The following FBXL13 variants were observed in gnomAD, a reference collection of about 807,000 sequenced individuals.
The protein encoded by FBXL13 is F-box and leucine rich repeat protein 13.
In FBXL13, 67 loss-of-function variants were observed where a neutral mutation model predicts 83.6. The ratio of observed to expected loss-of-function variants is 0.80; its 90% CI spans 0.66 to 0.98. The LOEUF (loss-of-function observed/expected upper bound fraction) is 0.98. FBXL13 is among the 50% of genes least tolerant of loss of function. The pLI, the probability that FBXL13 is intolerant of heterozygous loss-of-function variation, is 0.00. For missense variants in FBXL13, 822 were observed against 866.5 expected, an observed-to-expected ratio of 0.95 and a Z score of 0.64; for synonymous variants, 272 against 299.5, an observed-to-expected ratio of 0.91 and a Z score of 0.95.
In FBXL13 at chr7:102,939,400, T is replaced by A. The variant is rs560105381; in HGVS notation, c.725-7467A>T. 5.7e-6 allele frequency: 9 copies of A among 1,583,494 alleles called. No individual in the cohort carries two copies. The Admixed American group carries it at 1.6e-4, about 28-fold the overall frequency. On this transcript the variant is annotated intron_variant, in intron 8 of 19. Transcript: ENST00000313221. ...CGAGGAAATGGGGGCAAAAAGAGCA[T>A]AATAACGTAAATATTATTAAATTTT...
chr7:102,826,944 A>T (rs1209361221), intron 18 of FBXL13: 1 of 284,606 alleles, frequency 3.5e-6, no homozygotes, highest in East Asian at 7.8e-5. Context: ...TAAGAGCTCT[A>T]TCGTATTATT....
At chr7:103,018,108 A>C (rs895766306) in intron 6 of FBXL13, among the ~76,000 whole-genome samples, 2 of 152,258 alleles carry the variant, frequency 1.3e-5, no homozygotes, top group Non-Finnish European at 2.9e-5. Context: ...GAATCCCATC[A>C]GAATAACAGC....
At chr7:102,912,890 T>C (rs533610503) in intron 11 of FBXL13, 196 bp downstream of exon 12, 2 of 606,814 alleles carry the variant, frequency 3.3e-6, no homozygotes, top group Non-Finnish European at 5.5e-6. Flanking sequence ...TGTGTGACAC[T>C]CCAGTGGAAG....
chr7:102,881,704 G>A (rs1033575203), intron 14 of FBXL13, among the ~76,000 whole-genome samples: 9 of 152,096 alleles, frequency 5.9e-5, no homozygotes, highest in Non-Finnish European at 1.5e-5. Context: ...AACTAGAGTG[G>A]TTCTAGCTCA....
At chr7:102,968,622 AG>A (rs1305786409) in intron 6 of FBXL13, among the ~76,000 whole-genome samples, 1 of 152,276 alleles carries the variant, frequency 6.6e-6, no homozygotes, top group African/African-American at 2.4e-5. Flanking sequence ...CCAAAAAATC[AG>A]GAAATCCTGC....
At chr7:102,851,072 G>T (rs1192942673) in intron 17 of FBXL13, among the ~76,000 whole-genome samples, 1 of 152,202 alleles carries the variant, frequency 6.6e-6, no homozygotes, top group East Asian at 1.9e-4. Context: ...AGTTTGCTGA[G>T]AAGGTATAAG....
chr7:103,023,053 G>C (rs905356713), intron 6 of FBXL13, among the ~76,000 whole-genome samples: 36 of 152,134 alleles, frequency 2.4e-4, no homozygotes, highest in African/African-American at 8.0e-4. Context: ...GAGGCGGGTG[G>C]ATCACGAGGT....
rs148600541 is a variant in FBXL13 at position 102,955,152 on chromosome 7, C to A, written c.724+8381G>T. ...ACCACATAATTGGAAGTAAAGCACT[C>A]CTCAGCAAATGTAAAACAACAGAAA... On this transcript the variant is annotated intron_variant, in intron 8 of 19. Transcript: ENST00000313221. Among the ~76,000 whole-genome samples the A allele has an allele frequency of 3.7e-3, 565 of 152,262 alleles. 5 individuals carry two copies. The highest frequency in any genetic ancestry group is 0.013 in the African/African-American group (558 of 41,540).
intron 16 of FBXL13, among the ~76,000 whole-genome samples, chr7:102,870,229 T>C (rs73408205): frequency 0.011 from 1,649 of 152,338 alleles, 20 homozygotes; most frequent in African/African-American, 0.037. Flanking sequence ...TAGGGAACTA[T>C]GCTGTAATGT....
At chr7:102,941,513 C>A (rs955893889) in intron 8 of FBXL13, among the ~76,000 whole-genome samples, 1 of 152,134 alleles carries the variant, frequency 6.6e-6, no homozygotes, top group Non-Finnish European at 1.5e-5. Flanking sequence ...TCCCGCACAG[C>A]CAGCTCTGCA....
At chr7:102,967,925 G>T in intron 7 of FBXL13, 97 bp downstream of exon 8, 2 of 823,856 alleles carry the variant, frequency 2.4e-6, no homozygotes, top group Non-Finnish European at 3.9e-6. Flanking sequence ...TGACCACAGA[G>T]CATGGAAGAA....
At chr7:102,913,330 TCAA>T in intron 10 of FBXL13, 115 bp from the exon 12 acceptor site, 1 of 1,307,864 alleles carries the variant, frequency 7.6e-7, no homozygotes, top group Non-Finnish European at 1.1e-6. Flanking sequence ...TTGCAGATGT[TCAA>T]CATTTAACTT....
intron 11 of FBXL13, 137 bp downstream of exon 12, chr7:102,912,949 G>A (rs1815041340): frequency 1.7e-5 from 20 of 1,149,372 alleles, no homozygotes; most frequent in Non-Finnish European, 2.4e-6. Flanking sequence ...TCAGCAGCTG[G>A]GGCCATGTAA....
chr7:102,954,120 G>A lies in FBXL13; in HGVS notation c.724+9413C>T, dbSNP rs183262059. Among the ~76,000 whole-genome samples, 568 of 152,256 alleles carry A rather than the reference G, an allele frequency of 3.7e-3. 5 individuals carry two copies. Among genetic ancestry groups the A allele is most frequent in the African/African-American group, 0.013 (561 of 41,568 alleles). On this transcript the variant is annotated intron_variant, in intron 8 of 19. Coordinates refer to ENST00000313221, the Ensembl canonical transcript of FBXL13. ...CCCACACAGGAAAAGCCAAAGCAGGGCAGAGCATCGCCTCACCCAGGAAGC... is the reference window on the plus strand; with the variant it reads ...CCCACACAGGAAAAGCCAAAGCAGGACAGAGCATCGCCTCACCCAGGAAGC...
chr7:102,946,400 C>T (rs1411037963), intron 8 of FBXL13, among the ~76,000 whole-genome samples: 1 of 152,216 alleles, frequency 6.6e-6, no homozygotes, highest in Non-Finnish European at 1.5e-5. Flanking sequence ...CTATGCAGAG[C>T]TGCACAGCAT....
At chr7:102,934,474 G>A (rs1258007013) in intron 8 of FBXL13, 4 of 1,613,970 alleles carry the variant, frequency 2.5e-6, no homozygotes, top group African/African-American at 2.7e-5. Context: ...GGAATTTGGG[G>A]AACTACGCCA....
At chr7:102,877,714 A>G in intron 15 of FBXL13, 121 bp from the exon 17 acceptor site, 1 of 978,070 alleles carries the variant, frequency 1.0e-6, no homozygotes, top group Non-Finnish European at 1.5e-6. Flanking sequence ...TCCTTTACTC[A>G]ACATAAAAGT....
chr7:103,043,234 T>C (rs958170554), intron 2 of FBXL13, among the ~76,000 whole-genome samples: 1 of 152,172 alleles, frequency 6.6e-6, no homozygotes, highest in South Asian at 2.1e-4. Context: ...TCATCATCAC[T>C]GGTCATCAGA....
chr7:103,037,204 C>T (rs1197660043), intron 2 of FBXL13, among the ~76,000 whole-genome samples: 3 of 151,982 alleles, frequency 2.0e-5, no homozygotes, highest in Admixed American at 6.6e-5. Flanking sequence ...ATTTTGATGC[C>T]TTATCAGATA....
Sources: allele counts gnomAD v4.1 joint callset (sites outside exome capture counted in the v4.1 genomes callset), GRCh38; gene constraint gnomAD v4.1.1; transcripts MANE v1.5; gene names NCBI Gene and HGNC (gene_info 2026-07-23, HGNC 2026-07-21).